PRAC2: variants seen among roughly 807,000 people sequenced by gnomAD.
PRAC2 encodes the protein protein PRAC2.
For synonymous variants in PRAC2, 43 were observed against 49.5 expected, an observed-to-expected ratio of 0.87 and a Z score of 0.55; for missense variants, 92 against 114.5, an observed-to-expected ratio of 0.80 and a Z score of 0.90.
upstream of PRAC2, among the ~76,000 whole-genome samples, chr17:48,721,097 G>GT (rs1217767041): frequency 6.6e-6 from 1 of 152,158 alleles, no homozygotes; most frequent in Non-Finnish European, 1.5e-5. Flanking sequence ...AGTCCTGAGT[G>GT]TTTTTGTGGA....
chr17:48,721,731 A>G (rs2038146605), upstream of PRAC2: 5 of 1,351,706 alleles, frequency 3.7e-6, no homozygotes, highest in East Asian at 1.4e-4. Context: ...TCCTTTTTTA[A>G]AAAAATTTTA....
At chr17:48,719,432 G>GA (rs1218904618), upstream of PRAC2, among the ~76,000 whole-genome samples, 1 of 151,888 alleles carries the variant, frequency 6.6e-6, no homozygotes, top group Non-Finnish European at 1.5e-5. Flanking sequence ...AGGCAGCTGG[G>GA]AAACCCGCGG....
intron 1 of PRAC2, among the ~76,000 whole-genome samples, chr17:48,724,010 T>C (rs1158958515): frequency 1.3e-5 from 2 of 152,234 alleles, no homozygotes; most frequent in Non-Finnish European, 2.9e-5. Context: ...GCGCCCTGCT[T>C]ATTTTCCGGA....
chr17:48,719,093 C>T (rs1262486040), upstream of PRAC2, among the ~76,000 whole-genome samples: 2 of 152,180 alleles, frequency 1.3e-5, no homozygotes, highest in African/African-American at 2.4e-5. Flanking sequence ...GCCGGCGCGC[C>T]CTGTTCACCT....
At chr17:48,722,617 G>T, upstream of PRAC2, 1 of 542,012 alleles carries the variant, frequency 1.8e-6, no homozygotes, top group South Asian at 2.2e-5. Context: ...ATAGCTGCAA[G>T]TAGGGGCGAA....
At chr17:48,719,637 T>G (rs1272657417), upstream of PRAC2, among the ~76,000 whole-genome samples, 1 of 152,246 alleles carries the variant, frequency 6.6e-6, no homozygotes, top group African/African-American at 2.4e-5. Flanking sequence ...TTATCCTGAT[T>G]ATTAAAATAA....
Position 48,724,368 on chromosome 17 carries a change from G to C in PRAC2, c.-43G>C. The C allele has an allele frequency of 2.4e-6, 3 of 1,234,216 alleles. No homozygotes were observed. Among genetic ancestry groups the C allele is most frequent in the Non-Finnish European group, 3.0e-6 (3 of 988,082 alleles). 76.5% of individuals were successfully genotyped at this position (1,234,216 alleles called of 1,614,324 possible). On this transcript the variant is annotated 5_prime_UTR_variant, in exon 2 of 2. Transcript: ENST00000422730. ...ATCCGAAAAAAAGTGTGTGTGGGGG[G>C]GTCCACACCACTAATTATTATGGCG...
chr17:48,720,736 T>C (rs963609337), upstream of PRAC2, among the ~76,000 whole-genome samples: 1 of 152,126 alleles, frequency 6.6e-6, no homozygotes, highest in African/African-American at 2.4e-5. Context: ...TAATCCCCTG[T>C]TTGCATATAT....
At chr17:48,719,454 C>T (rs781295942), upstream of PRAC2, among the ~76,000 whole-genome samples, 1 of 152,154 alleles carries the variant, frequency 6.6e-6, no homozygotes, top group South Asian at 2.1e-4. Context: ...GCTCGGCAGC[C>T]GCCCTGGTAG....
chr17:48,723,681 GC>G, intron 1 of PRAC2: 1 of 1,231,532 alleles, frequency 8.1e-7, no homozygotes, highest in Non-Finnish European at 1.0e-6. Context: ...GGAAGCGCTA[GC>G]CAGCCGGAGT....
chr17:48,721,621 G>T, upstream of PRAC2: 1 of 513,464 alleles, frequency 1.9e-6, no homozygotes, highest in East Asian at 3.5e-5. Flanking sequence ...CACTATGCCT[G>T]GCCCGTTTTT....
chr17:48,724,346 C>T lies in PRAC2; in HGVS notation c.-65C>T. ...TGCACAGGTTCCATACAAGTAAATCCGAAAAAAAGTGTGTGTGGGGGGGTC... is the reference window on the plus strand; with the variant it reads ...TGCACAGGTTCCATACAAGTAAATCTGAAAAAAAGTGTGTGTGGGGGGGTC... On this transcript the variant is annotated 5_prime_UTR_variant, in exon 2 of 2. Coordinates refer to ENST00000422730, the MANE Select transcript of PRAC2 (RefSeq NM_001282275.2). 1 of 1,233,880 alleles carries T rather than the reference C, an allele frequency of 8.1e-7. No individual in the cohort carries two copies. Among genetic ancestry groups the T allele is most frequent in the Non-Finnish European group, 1.0e-6 (1 of 987,940 alleles). 76.4% of individuals were successfully genotyped at this position (1,233,880 alleles called of 1,614,324 possible). A position where few individuals can be genotyped will look rare whatever the true frequency, so the allele number is the denominator to read the frequency against.
At chr17:48,722,496 C>T, upstream of PRAC2, 3 of 953,962 alleles carry the variant, frequency 3.1e-6, no homozygotes, top group Non-Finnish European at 5.1e-6. Flanking sequence ...TCTGTTTGCA[C>T]GCCTTAGGCT....
At chr17:48,719,212 AACACACACACACACAC>A (rs3060082), upstream of PRAC2, among the ~76,000 whole-genome samples, 3 of 141,032 alleles carry the variant, frequency 2.1e-5, no homozygotes, top group East Asian at 2.1e-4. Context: ...CTCGCACACA[AACACACACACACACAC>A]ACACACACAC....
chr17:48,720,928 A>C (rs535107434), upstream of PRAC2, among the ~76,000 whole-genome samples: 4 of 152,162 alleles, frequency 2.6e-5, no homozygotes, highest in East Asian at 7.7e-4. Flanking sequence ...TTGGTGGTAG[A>C]GGTTAAGCGC....
chr17:48,722,888 G>A (rs560128947), upstream of PRAC2, among the ~76,000 whole-genome samples: 103 of 152,232 alleles, frequency 6.8e-4, no homozygotes, highest in Admixed American at 1.2e-3. Context: ...CAGGCTGGGC[G>A]CCAGCATTAT....
intron 1 of PRAC2, 138 bp downstream of exon 1, chr17:48,723,451 T>G (rs907113021): frequency 1.1e-5 from 4 of 365,914 alleles, no homozygotes; most frequent in African/African-American, 8.5e-5. Flanking sequence ...TCAATATAAC[T>G]TTAATGAAGG....
upstream of PRAC2, among the ~76,000 whole-genome samples, chr17:48,720,732 CCT>C (rs551003607): frequency 6.6e-5 from 10 of 152,226 alleles, no homozygotes; most frequent in South Asian, 1.9e-3. Context: ...TGTTTAATCC[CCT>C]GTTTGCATAT....
At chr17:48,722,249 G>T, upstream of PRAC2, 1 of 1,339,080 alleles carries the variant, frequency 7.5e-7, no homozygotes, top group Non-Finnish European at 1.1e-6. Flanking sequence ...CCCTCTCCCA[G>T]GGCCTCCTGA....
Sources: gnomAD v4.1 joint callset for allele counts (sites outside exome capture counted in the v4.1 genomes callset) on GRCh38, gnomAD v4.1.1 for gene constraint, MANE v1.5 for transcripts, NCBI Gene and HGNC (gene_info 2026-07-23, HGNC 2026-07-21) for gene names.